Variants in TLN2 observed in about 807,000 individuals in gnomAD.
TLN2 encodes talin-2.
In TLN2, 118 loss-of-function variants were observed where a neutral mutation model predicts 294.7. That is an observed-to-expected ratio of 0.40 (90% CI 0.34 to 0.47). The LOEUF is 0.47. Among genes scored for constraint, TLN2 ranks in the 20% least tolerant of loss-of-function variants. The probability of loss-of-function intolerance (pLI) is 0.84; values close to 1 mark genes in which losing one functional copy is unlikely to be tolerated. For synonymous variants in TLN2, 1,431 were observed against 1,304.5 expected, an observed-to-expected ratio of 1.10 and a Z score of -2.09; for missense variants, 3,083 against 3,282.2, an observed-to-expected ratio of 0.94 and a Z score of 1.48.
At chr15:62,523,539 A>G (rs1327434152) in intron 1 of TLN2, among the ~76,000 whole-genome samples, 1 of 152,228 alleles carries the variant, frequency 6.6e-6, no homozygotes, top group Non-Finnish European at 1.5e-5. Flanking sequence ...TTATATAAGG[A>G]TATATATAGA....
chr15:62,543,486 G>A (rs906928830), intron 1 of TLN2, among the ~76,000 whole-genome samples: 5 of 152,184 alleles, frequency 3.3e-5, no homozygotes, highest in Non-Finnish European at 5.9e-5. Flanking sequence ...GGCCAGACGC[G>A]CTGGCTCACG....
intron 2 of TLN2, among the ~76,000 whole-genome samples, chr15:62,609,440 G>T (rs1289547498): frequency 6.6e-6 from 1 of 152,166 alleles, no homozygotes; most frequent in Non-Finnish European, 1.5e-5. Flanking sequence ...TCAGAGTCAT[G>T]TGTTGCCTTA....
intron 26 of TLN2, among the ~76,000 whole-genome samples, chr15:62,723,343 C>T (rs1351996420): frequency 6.6e-6 from 1 of 152,150 alleles, no homozygotes; most frequent in African/African-American, 2.4e-5. Context: ...TTAGAATGCA[C>T]ATCCCTGGGC....
At chr15:62,429,725 G>C (rs2456934) in intron 1 of TLN2, among the ~76,000 whole-genome samples, 141,713 of 152,186 alleles carry the variant, frequency 0.93, 66,585 homozygotes, top group East Asian at 1. Flanking sequence ...ATTGTGAATT[G>C]CTAAAACATC....
rs565817733 is a variant in TLN2 at position 62,561,868 on chromosome 15, A to G, written c.-237-27819A>G. Among the ~76,000 whole-genome samples, 6 of 151,166 alleles carry G rather than the reference A, an allele frequency of 4.0e-5. No individual in the cohort carries two copies. In the East Asian group the frequency reaches 1.2e-3, roughly 30 times the overall value. ...CCACTTTTTCTTTCCTTTTTTTCCC[A>G]TCTTCAGATTTTAACATGCTCTCCT... On this transcript the variant is annotated intron_variant, in intron 1 of 58. Coordinates refer to ENST00000636159, the MANE Select transcript of TLN2 (RefSeq NM_015059.3).
At chr15:62,467,296 G>C (rs1277507693) in intron 1 of TLN2, among the ~76,000 whole-genome samples, 1 of 152,228 alleles carries the variant, frequency 6.6e-6, no homozygotes, top group Non-Finnish European at 1.5e-5. Context: ...TTCCCAGATA[G>C]GGGTGAAGTG....
intron 25 of TLN2, among the ~76,000 whole-genome samples, chr15:62,721,810 T>C (rs2060164485): frequency 1.3e-5 from 2 of 152,200 alleles, no homozygotes; most frequent in Non-Finnish European, 2.9e-5. Context: ...ATTATATAGC[T>C]CTTTAAAAGG....
At position 62,400,956 on chromosome 15, in the gene TLN2, C is replaced by T. The variant is rs2032975497; in HGVS notation, c.-238+10271C>T. ...TTAGCCACCCAAGTAGCTAGGATTA[C>T]AGCCATGTACCACCATGCTTGGCTA... On this transcript the variant is annotated intron_variant, in intron 1 of 58. Coordinates refer to ENST00000636159, the MANE Select transcript of TLN2 (RefSeq NM_015059.3). 3.9e-5 allele frequency among the ~76,000 whole-genome samples: 6 copies of T among 151,938 alleles called. No individual in the cohort carries two copies. The South Asian group carries it at 1.3e-3, about 32-fold the overall frequency.
intron 1 of TLN2, among the ~76,000 whole-genome samples, chr15:62,465,136 T>A (rs976371103): frequency 3.3e-4 from 49 of 150,344 alleles, no homozygotes; most frequent in Non-Finnish European, 6.8e-4. Context: ...TTGGTTTTTG[T>A]TTTTAAGGCA....
chr15:62,816,831 G>T (rs758258844), intron 52 of TLN2, among the ~76,000 whole-genome samples: 1 of 152,124 alleles, frequency 6.6e-6, no homozygotes, highest in Non-Finnish European at 1.5e-5. Flanking sequence ...TTAATAACCT[G>T]GTAGTCGTAC....
At chr15:62,638,560 T>G (rs1295451364) in intron 3 of TLN2, 1 of 456,050 alleles carries the variant, frequency 2.2e-6, no homozygotes, top group Admixed American at 2.3e-5. Context: ...CTGGTTGTGC[T>G]TTTCTAGCAG....
At chr15:62,614,390 C>T (rs1203209043) in intron 2 of TLN2, among the ~76,000 whole-genome samples, 1 of 152,178 alleles carries the variant, frequency 6.6e-6, no homozygotes, top group Admixed American at 6.5e-5. Flanking sequence ...GTAATCACTG[C>T]ATTGACTTTA....
intron 16 of TLN2, among the ~76,000 whole-genome samples, chr15:62,700,551 A>T (rs924095781): frequency 1.6e-4 from 24 of 152,134 alleles, no homozygotes; most frequent in African/African-American, 5.6e-4. Context: ...TGGATCCAGA[A>T]CAGGGATCTC....
intron 1 of TLN2, among the ~76,000 whole-genome samples, chr15:62,574,947 G>T (rs1214654745): frequency 6.6e-6 from 1 of 151,788 alleles, no homozygotes; most frequent in African/African-American, 2.4e-5. Flanking sequence ...TGTAGAGGGA[G>T]ATTGCCAAAA....
chr15:62,582,195 T>TACACACACACACACACACACAC lies in TLN2; in HGVS notation c.-237-7460_-237-7439dup, dbSNP rs67748452. Among the ~76,000 whole-genome samples, 303 of 66,470 alleles carry TACACACACACACACACACACAC rather than the reference T, an allele frequency of 4.6e-3. 11 individuals carry two copies. Among genetic ancestry groups the TACACACACACACACACACACAC allele is most frequent in the East Asian group, 5.9e-3 (7 of 1,190 alleles). 43.6% of individuals were successfully genotyped at this position (66,470 alleles called of 152,430 possible). ...CATAACTTCAGTGCATGTGTATGCATACACACACACACACACACACACACA... is the reference window on the plus strand; with the variant it reads ...CATAACTTCAGTGCATGTGTATGCATACACACACACACACACACACACACACACACACACACACACACACACA... On this transcript the variant is annotated intron_variant, in intron 1 of 58. Transcript: ENST00000636159.
intron 9 of TLN2, among the ~76,000 whole-genome samples, chr15:62,662,629 C>T (rs1362159606): frequency 6.6e-6 from 1 of 152,100 alleles, no homozygotes; most frequent in Non-Finnish European, 1.5e-5. Context: ...GGGGTAGACA[C>T]TAGACACTGG....
intron 1 of TLN2, among the ~76,000 whole-genome samples, chr15:62,527,103 T>C (rs1279062711): frequency 6.6e-6 from 1 of 152,180 alleles, no homozygotes; most frequent in African/African-American, 2.4e-5. Flanking sequence ...TTGAGACAAG[T>C]GCCTTCAGGG....
chr15:62,725,576 T>G (rs369600631), intron 27 of TLN2, among the ~76,000 whole-genome samples: 1 of 152,232 alleles, frequency 6.6e-6, no homozygotes, highest in Non-Finnish European at 1.5e-5. Context: ...TTTTGTTGGC[T>G]AAAACTTTAC....
At chr15:62,535,702 C>T (rs546010146) in intron 1 of TLN2, among the ~76,000 whole-genome samples, 1 of 152,062 alleles carries the variant, frequency 6.6e-6, no homozygotes, top group African/African-American at 2.4e-5. Flanking sequence ...ATTATGGGTG[C>T]CTGCCGCCAC....
Sources: allele counts gnomAD v4.1 joint callset (sites outside exome capture counted in the v4.1 genomes callset), GRCh38; gene constraint gnomAD v4.1.1; transcripts MANE v1.5; gene names NCBI Gene and HGNC (gene_info 2026-07-23, HGNC 2026-07-21).